DDX50: variants seen among roughly 807,000 people sequenced by gnomAD.
DDX50 encodes the protein DExD-box helicase 50.
In DDX50, 56 loss-of-function variants were observed where a neutral mutation model predicts 94.8. The ratio of observed to expected loss-of-function variants is 0.59; its 90% confidence interval spans 0.48 to 0.74. The LOEUF (loss-of-function observed/expected upper bound fraction) is 0.74. DDX50 is among the 30% of genes least tolerant of loss of function. The probability of loss-of-function intolerance (pLI) is 0.00; values close to 1 mark genes in which losing one functional copy is unlikely to be tolerated. For missense variants in DDX50, 713 were observed against 881.2 expected, an observed-to-expected ratio of 0.81 and a Z score of 2.42; for synonymous variants, 264 against 295.4, an observed-to-expected ratio of 0.89 and a Z score of 1.09.
chr10:68,937,664 C>A (rs1228047285), intron 12 of DDX50, among the ~76,000 whole-genome samples: 2 of 146,242 alleles, frequency 1.4e-5, no homozygotes, highest in Non-Finnish European at 3.0e-5. Flanking sequence ...TGGTTCACTG[C>A]AACCTCTCCC....
At chr10:68,926,778 C>T (rs1331598461) in intron 8 of DDX50, among the ~76,000 whole-genome samples, 1 of 127,938 alleles carries the variant, frequency 7.8e-6, no homozygotes, top group African/African-American at 3.2e-5. Context: ...CAGAGATACA[C>T]ACACACACAC....
chr10:68,904,994 T>C (rs148884832), intron 1 of DDX50, among the ~76,000 whole-genome samples: 2 of 152,276 alleles, frequency 1.3e-5, no homozygotes, highest in Admixed American at 1.3e-4. Flanking sequence ...CTATCACTAA[T>C]TACTGCTATC....
At chr10:68,925,639 T>C (rs1485960031) in intron 8 of DDX50, among the ~76,000 whole-genome samples, 3 of 152,096 alleles carry the variant, frequency 2.0e-5, no homozygotes, top group Non-Finnish European at 4.4e-5. Flanking sequence ...TTTGGGAGGC[T>C]GATGTGGGAG....
At position 68,913,204 on chromosome 10, in the gene DDX50, G is replaced by T; in HGVS notation, c.682G>T (p.Ala228Ser). 1 of 1,612,980 alleles carries T rather than the reference G, an allele frequency of 6.2e-7. No individual in the cohort carries two copies. Among genetic ancestry groups the T allele is most frequent in the Non-Finnish European group, 8.5e-7 (1 of 1,179,788 alleles). Reference protein sequence around the residue: ...APTRELANQVAKDFKDITRKL... With the variant: ...APTRELANQVSKDFKDITRKL... The stretch of plus-strand genomic sequence containing the variant: ...AACAAGGGAACTGGCAAACCAAGTA[G>T]CCAAAGACTTCAAAGATATAACTAG... The change falls in exon 5 of 15, where the codon GCC (alanine) becomes TCC (serine). Residue 228 changes from alanine (A) to serine (S), a missense_variant. By Grantham distance (99) the Ala-to-Ser change is moderately conservative. Around this residue, in one of 2 missense-constraint regions of DDX50, gnomAD observed 285 missense variants for 278.9 expected, o/e 1.02. Coordinates refer to ENST00000373585, the MANE Select transcript of DDX50 (RefSeq NM_024045.2).
chr10:68,940,660 C>A (rs915297321), intron 12 of DDX50, among the ~76,000 whole-genome samples: 8 of 152,018 alleles, frequency 5.3e-5, no homozygotes, highest in African/African-American at 1.9e-4. Context: ...TCAAGTGACC[C>A]TCCCGCCTCG....
intron 12 of DDX50, 110 bp downstream of exon 12, chr10:68,937,205 C>G (rs1455875462): frequency 7.9e-6 from 9 of 1,144,340 alleles, no homozygotes; most frequent in Middle Eastern, 6.3e-4. Flanking sequence ...CTGTTTTGCT[C>G]TATGAGAAAC....
At chr10:68,942,688 A>G (rs1030344949) in intron 13 of DDX50, among the ~76,000 whole-genome samples, 1 of 151,728 alleles carries the variant, frequency 6.6e-6, no homozygotes, top group Non-Finnish European at 1.5e-5. Context: ...ATCTTAGCTC[A>G]CTGCCACCTC....
At chr10:68,937,211 G>GAAA (rs1008450857) in intron 12 of DDX50, 116 bp downstream of exon 12, 2 of 1,117,846 alleles carry the variant, frequency 1.8e-6, no homozygotes, top group African/African-American at 3.2e-5. Flanking sequence ...TGCTCTATGA[G>GAAA]AAACTGGTCT....
rs1053933999 is a variant in DDX50, at chr10:68,932,408, C to T, written c.1240-1791C>T. Among the ~76,000 whole-genome samples the T allele has an allele frequency of 2.6e-5, 4 of 152,126 alleles. No individual in the cohort carries two copies. The South Asian group carries it at 8.3e-4, about 32-fold the overall frequency. On this transcript the variant is annotated intron_variant, in intron 8 of 14. Transcript: ENST00000373585. ...TCGAGTAGCTGGGATTACAGGCATG[C>T]ACCACCATACCTGGCTAATCTTTGT...
chr10:68,915,537 G>A (rs1841761920), intron 7 of DDX50, among the ~76,000 whole-genome samples: 1 of 152,048 alleles, frequency 6.6e-6, no homozygotes, highest in African/African-American at 2.4e-5. Flanking sequence ...CCAACATGGC[G>A]ATACCTCGTC....
At chr10:68,922,895 G>A (rs1841978613) in intron 8 of DDX50, among the ~76,000 whole-genome samples, 1 of 148,274 alleles carries the variant, frequency 6.7e-6, no homozygotes, top group African/African-American at 2.5e-5. Flanking sequence ...GGGTTCAAGC[G>A]ACTCTCCTGC....
At chr10:68,910,957 T>TG (rs1462127659) in intron 3 of DDX50, 111 bp from the exon 4 acceptor site, 1 of 769,020 alleles carries the variant, frequency 1.3e-6, no homozygotes, top group African/African-American at 1.8e-5. Flanking sequence ...TGTCACCAGG[T>TG]GGCATGTCTT....
At chr10:68,942,120 T>C (rs761605222) in intron 13 of DDX50, among the ~76,000 whole-genome samples, 3 of 152,228 alleles carry the variant, frequency 2.0e-5, no homozygotes, top group Non-Finnish European at 2.9e-5. Context: ...AAGTAGCTTA[T>C]GATTGCAGTA....
At chr10:68,908,573 A>G (rs556801218) in intron 2 of DDX50, among the ~76,000 whole-genome samples, 1 of 148,890 alleles carries the variant, frequency 6.7e-6, no homozygotes, top group Non-Finnish European at 1.5e-5. Flanking sequence ...ATATGGCTTT[A>G]GCTGAGTGGA....
intron 8 of DDX50, among the ~76,000 whole-genome samples, chr10:68,931,259 A>G (rs1170503941): frequency 6.6e-6 from 1 of 151,366 alleles, no homozygotes; most frequent in Admixed American, 6.6e-5. Context: ...GGTCATTATT[A>G]TATTTGTGGA....
chr10:68,915,169 T>C (rs1285628379), intron 7 of DDX50, among the ~76,000 whole-genome samples: 1 of 151,960 alleles, frequency 6.6e-6, no homozygotes, highest in Non-Finnish European at 1.5e-5. Flanking sequence ...ATCCCAGCAT[T>C]TTGGGAGGCT....
intron 7 of DDX50, among the ~76,000 whole-genome samples, chr10:68,918,618 G>A (rs775240282): frequency 7.3e-5 from 11 of 151,360 alleles, no homozygotes; most frequent in Non-Finnish European, 1.3e-4. Flanking sequence ...GTAGAGATGG[G>A]GTTTCACCAT....
intron 12 of DDX50, among the ~76,000 whole-genome samples, chr10:68,939,968 G>A (rs1842517928): frequency 1.3e-5 from 2 of 151,624 alleles, no homozygotes; most frequent in Middle Eastern, 3.4e-3. Flanking sequence ...TGGCACATAC[G>A]TAGGGCGCAC....
Position 68,901,456 on chromosome 10 carries a change from G to A in DDX50, c.72G>A (p.Lys24=), listed in dbSNP as rs1264961379. The change falls in exon 1 of 15, where the codon AAG becomes AAA. Residue 24 remains lysine, a synonymous_variant. Transcript: ENST00000373585. The stretch of plus-strand genomic sequence containing the variant: ...CCTTGGAGGAGTCCGAGAGCCAGAA[G>A]AAGGAGAGGCAAAAGGTGCGCTGAG... ...EAPLEESESQ[K]KERQKSDRRK... is the part of the protein sequence containing the mutation. 6.4e-7 allele frequency: 1 copy of A among 1,573,344 alleles called. No individual in the cohort carries two copies. The highest frequency in any genetic ancestry group is 1.2e-5 in the South Asian group (1 of 85,522).
Sources: gnomAD v4.1 joint callset for allele counts (sites outside exome capture counted in the v4.1 genomes callset) on GRCh38, gnomAD v4.1.1 for gene constraint, gnomAD v4.1.1 regional missense constraint, MANE v1.5 for transcripts, NCBI Gene and HGNC (gene_info 2026-07-23, HGNC 2026-07-21) for gene names.